The following FBXL13 variants were observed in gnomAD, a reference collection of about 807,000 sequenced individuals.
FBXL13 encodes the protein F-box and leucine rich repeat protein 13, also known as F-box and leucine-rich repeat protein 13.
FBXL13 carries 67 observed loss-of-function variants against 83.6 expected under a neutral mutation model. That is an observed-to-expected ratio of 0.80 (90% CI 0.66 to 0.98). The LOEUF (loss-of-function observed/expected upper bound fraction) is 0.98, where lower values mean the gene tolerates loss of function less well. Among genes scored for constraint, FBXL13 ranks in the 50% least tolerant of loss-of-function variants. The pLI, the probability that FBXL13 is intolerant of heterozygous loss-of-function variation, is 0.00. For missense variants in FBXL13, 822 were observed against 866.5 expected (o/e 0.95, Z 0.64); for synonymous variants, 272 against 299.5 (o/e 0.91, Z 0.95).
intron 2 of FBXL13, chr7:103,030,022 A>G (rs1437544413): frequency 6.6e-6 from 1 of 152,212 alleles, no homozygotes; most frequent in East Asian, 1.9e-4. Flanking sequence ...TTATATTAAC[A>G]TAAGTATTAT....
intron 6 of FBXL13, among the ~76,000 whole-genome samples, chr7:102,972,717 A>T (rs1298506766): frequency 6.6e-6 from 1 of 151,618 alleles, no homozygotes; most frequent in Non-Finnish European, 1.5e-5. Flanking sequence ...ACATATAAAA[A>T]GATAATAAAT....
At chr7:102,945,458 T>C (rs1822315362) in intron 8 of FBXL13, among the ~76,000 whole-genome samples, 1 of 152,112 alleles carries the variant, frequency 6.6e-6, no homozygotes, top group South Asian at 2.1e-4. Flanking sequence ...AAATTAGGAT[T>C]TGGGGGCAGT....
intron 1 of FBXL13, among the ~76,000 whole-genome samples, chr7:103,069,937 G>T (rs944260819): frequency 3.3e-5 from 5 of 151,992 alleles, no homozygotes; most frequent in Non-Finnish European, 4.4e-5. Flanking sequence ...AAATTAGCCG[G>T]GCATGGTGGC....
In FBXL13 at chr7:102,912,712, G is replaced by T. The variant is rs542041007; in HGVS notation, c.1008+374C>A. ...AAAAAAACCCATGTGGGAGTTAATT[G>T]ACTTTTCAGGAATCCCATGCAAAAT... is the stretch of plus-strand genomic sequence containing the variant. On this transcript the variant is annotated intron_variant, in intron 11 of 19. Coordinates refer to ENST00000313221, the Ensembl canonical transcript of FBXL13. 8.3e-4 allele frequency among the ~76,000 whole-genome samples: 102 copies of T among 122,636 alleles called. 1 individual carries two copies. Among genetic ancestry groups the T allele is most frequent in the South Asian group, 8.0e-3 (31 of 3,864 alleles). The allele number at this position is 122,636 out of a possible 152,430, so 80.5% of individuals were successfully genotyped here.
intron 6 of FBXL13, among the ~76,000 whole-genome samples, chr7:103,024,428 G>T (rs1185367517): frequency 6.6e-6 from 1 of 150,744 alleles, no homozygotes; most frequent in South Asian, 2.1e-4. Context: ...CCTGGAGGCT[G>T]AGGCTGGAGA....
At chr7:103,025,690 T>C (rs1793818328) in intron 5 of FBXL13, among the ~76,000 whole-genome samples, 1 of 152,208 alleles carries the variant, frequency 6.6e-6, no homozygotes, top group Non-Finnish European at 1.5e-5. Flanking sequence ...AACTGTGTAA[T>C]AAATAAAGGT....
intron 6 of FBXL13, among the ~76,000 whole-genome samples, chr7:103,009,749 G>A (rs1791392804): frequency 6.6e-6 from 1 of 152,120 alleles, no homozygotes; most frequent in South Asian, 2.1e-4. Flanking sequence ...CAGCAGTCCT[G>A]CTTCAGCCCT....
At chr7:102,843,459 A>G (rs1803347241) in intron 17 of FBXL13, among the ~76,000 whole-genome samples, 1 of 151,956 alleles carries the variant, frequency 6.6e-6, no homozygotes, top group Admixed American at 6.6e-5. Flanking sequence ...ACAAAAACAA[A>G]AAACAAAAAA....
chr7:102,909,062 G>A (rs1316464491), intron 11 of FBXL13, among the ~76,000 whole-genome samples: 2 of 152,204 alleles, frequency 1.3e-5, no homozygotes, highest in African/African-American at 4.8e-5. Flanking sequence ...AACCTTAGAA[G>A]TCTACTTGGT....
chr7:102,946,895 C>T (rs1563134212), intron 8 of FBXL13, among the ~76,000 whole-genome samples: 1 of 151,802 alleles, frequency 6.6e-6, no homozygotes, highest in Non-Finnish European at 1.5e-5. Context: ...AGGCTGGTCT[C>T]GAACTCTTGA....
intron 16 of FBXL13, among the ~76,000 whole-genome samples, chr7:102,859,527 G>A (rs1269125259): frequency 1.3e-5 from 2 of 152,166 alleles, no homozygotes; most frequent in African/African-American, 4.8e-5. Context: ...TCTGAAACAA[G>A]TGACATTTAC....
intron 8 of FBXL13, chr7:102,933,195 A>T (rs1819557555): frequency 6.6e-6 from 1 of 152,142 alleles, no homozygotes; most frequent in Non-Finnish European, 1.5e-5. Flanking sequence ...GACATGCAGG[A>T]GATGACAAGG....
At chr7:102,963,395 C>G (rs1455928794) in intron 8 of FBXL13, 138 bp downstream of exon 9, 4 of 995,664 alleles carry the variant, frequency 4.0e-6, no homozygotes, top group Admixed American at 2.9e-5. Flanking sequence ...ATATTATACA[C>G]TTATTAAATG....
chr7:103,031,669 G>A (rs764100598), intron 2 of FBXL13, among the ~76,000 whole-genome samples: 1 of 152,132 alleles, frequency 6.6e-6, no homozygotes, highest in Non-Finnish European at 1.5e-5. Context: ...ATTTCTAAGA[G>A]TCCAGGTACA....
downstream of FBXL13, among the ~76,000 whole-genome samples, chr7:102,811,786 T>C (rs370883231): frequency 4.6e-5 from 7 of 152,228 alleles, no homozygotes; most frequent in African/African-American, 1.7e-4. Flanking sequence ...TGTCATCTTA[T>C]GTCTCTTGGC....
At chr7:103,068,481 C>T (rs80330738) in intron 1 of FBXL13, among the ~76,000 whole-genome samples, 1,806 of 152,238 alleles carry the variant, frequency 0.012, 34 homozygotes, top group African/African-American at 0.041. Context: ...TCCAATGACC[C>T]TGCTACAACA....
intron 7 of FBXL13, among the ~76,000 whole-genome samples, chr7:102,964,039 G>A (rs1211955086): frequency 2.0e-5 from 3 of 152,154 alleles, no homozygotes; most frequent in South Asian, 2.1e-4. Flanking sequence ...GGTCGGGCAC[G>A]GTGGCTCATG....
chr7:102,930,255 G>A (rs1818922290), intron 9 of FBXL13, among the ~76,000 whole-genome samples: 1 of 152,180 alleles, frequency 6.6e-6, no homozygotes. Flanking sequence ...GGCCTTCATG[G>A]TGGAGCTGGT....
At chr7:102,915,978 TTTC>T (rs1815776223) in intron 10 of FBXL13, among the ~76,000 whole-genome samples, 2 of 151,328 alleles carry the variant, frequency 1.3e-5, no homozygotes, top group Non-Finnish European at 2.9e-5. Flanking sequence ...TAGAGATGAG[TTTC>T]TTCTTTTTTT....
Sources: gnomAD v4.1 joint callset for allele counts (sites outside exome capture counted in the v4.1 genomes callset) on GRCh38, gnomAD v4.1.1 for gene constraint, MANE v1.5 for transcripts, NCBI Gene and HGNC (gene_info 2026-07-23, HGNC 2026-07-21) for gene names.